Variants in KHDRBS2 observed in about 807,000 individuals in gnomAD.
KHDRBS2 encodes KH RNA binding domain containing, signal transduction associated 2.
KHDRBS2 carries 26 observed loss-of-function variants against 44.3 expected under a neutral mutation model. The ratio of observed to expected loss-of-function variants is 0.59; its 90% CI spans 0.43 to 0.81. The LOEUF (loss-of-function observed/expected upper bound fraction) is 0.81. Ranked by LOEUF, KHDRBS2 falls within the 40% of genes least tolerant of loss-of-function variation. KHDRBS2 has a pLI of 0.00. For missense variants in KHDRBS2, 476 were observed against 433.1 expected, an observed-to-expected ratio of 1.10 and a Z score of -0.88; for synonymous variants, 194 against 151.1, an observed-to-expected ratio of 1.28 and a Z score of -2.08.
intron 4 of KHDRBS2, among the ~76,000 whole-genome samples, chr6:61,968,931 T>G (rs1192448): frequency 0.19 from 28,186 of 151,930 alleles, 3,494 homozygotes; most frequent in Non-Finnish European, 0.25. Context: ...TTTAGAGGAT[T>G]GACAAAAATA....
At chr6:61,568,401 A>C in the KHDRBS2 span, among the ~76,000 whole-genome samples, 1 of 152,192 alleles carries the variant, frequency 6.6e-6, no homozygotes, top group Non-Finnish European at 1.5e-5. Context: ...GGGTGTGTTA[A>C]GACAGCAGAT....
rs544020372 is a variant in KHDRBS2, at chr6:62,283,411, C to T, written c.91+2447G>A. On this transcript the variant is annotated intron_variant, in intron 1 of 8. Coordinates refer to ENST00000281156, the MANE Select transcript of KHDRBS2 (RefSeq NM_152688.4). Reference sequence around the variant, plus strand: ...TCACCAATCAAAATGCAAAATAAATCATTGTGAAATCTCATTGGTTTATAC... The same window carrying T: ...TCACCAATCAAAATGCAAAATAAATTATTGTGAAATCTCATTGGTTTATAC... Among the ~76,000 whole-genome samples, 5 of 152,192 alleles carry T rather than the reference C, an allele frequency of 3.3e-5. No homozygotes were observed. The East Asian group carries it at 9.6e-4, about 29-fold the overall frequency.
At chr6:61,871,873 C>T (rs1562343139) in intron 6 of KHDRBS2, among the ~76,000 whole-genome samples, 1 of 141,730 alleles carries the variant, frequency 7.1e-6, no homozygotes, top group African/African-American at 2.6e-5. Context: ...TGTTCTCACT[C>T]ATAATTGGGA....
At chr6:61,875,323 A>G (rs935305464) in intron 6 of KHDRBS2, among the ~76,000 whole-genome samples, 6 of 152,074 alleles carry the variant, frequency 3.9e-5, no homozygotes, top group African/African-American at 1.4e-4. Context: ...CCAGGCTTAT[A>G]GAGTCAGGAT....
chr6:61,630,874 C>T, the KHDRBS2 span, among the ~76,000 whole-genome samples: 4 of 152,100 alleles, frequency 2.6e-5, no homozygotes, highest in Non-Finnish European at 4.4e-5. Flanking sequence ...TCTTATATCA[C>T]GATTCTGCAT....
At chr6:62,135,264 G>C (rs958996154) in intron 2 of KHDRBS2, among the ~76,000 whole-genome samples, 2 of 152,124 alleles carry the variant, frequency 1.3e-5, no homozygotes, top group Non-Finnish European at 2.9e-5. Flanking sequence ...ATCCCCTTTT[G>C]CTTGGCTCTC....
intron 6 of KHDRBS2, among the ~76,000 whole-genome samples, chr6:61,840,817 A>G (rs187548549): frequency 3.5e-4 from 53 of 152,220 alleles, no homozygotes; most frequent in Admixed American, 3.5e-3. Context: ...ATGGGAGTAG[A>G]AAAAAAGAGC....
At chr6:61,696,485 CTGATCTCG>C (rs1767922316) in intron 8 of KHDRBS2, among the ~76,000 whole-genome samples, 2 of 151,834 alleles carry the variant, frequency 1.3e-5, no homozygotes, top group African/African-American at 4.8e-5. Context: ...TCTCACTCTC[CTGATCTCG>C]TGATCCGCCC....
the KHDRBS2 span, among the ~76,000 whole-genome samples, chr6:61,636,700 C>A: frequency 1.3e-5 from 2 of 152,096 alleles, no homozygotes. Flanking sequence ...TAAGAAGTAT[C>A]TGATTCAAAA....
intron 1 of KHDRBS2, among the ~76,000 whole-genome samples, chr6:62,219,805 T>C (rs909716188): frequency 8.8e-5 from 13 of 148,036 alleles, no homozygotes; most frequent in Admixed American, 2.7e-4. Flanking sequence ...CTATATGATA[T>C]ATAGTTACTA....
At chr6:61,889,746 C>T (rs571951018) in intron 6 of KHDRBS2, among the ~76,000 whole-genome samples, 21 of 152,280 alleles carry the variant, frequency 1.4e-4, no homozygotes, top group Middle Eastern at 3.4e-3. Context: ...CTCCTCTGCA[C>T]GCTCCAACAG....
At chr6:61,870,567 G>A (rs1262294494) in intron 6 of KHDRBS2, among the ~76,000 whole-genome samples, 13 of 152,118 alleles carry the variant, frequency 8.5e-5, no homozygotes, top group Non-Finnish European at 1.5e-4. Context: ...TGACCCCCAT[G>A]TATCCTGACT....
the KHDRBS2 span, among the ~76,000 whole-genome samples, chr6:61,565,736 A>G: frequency 2.6e-5 from 4 of 152,168 alleles, no homozygotes; most frequent in Non-Finnish European, 5.9e-5. Flanking sequence ...ACTATTGTAT[A>G]AAATGTTTAT....
At chr6:61,752,671 C>CAAAAAAAAAAAAAAAAAAA (rs56410130) in intron 6 of KHDRBS2, among the ~76,000 whole-genome samples, 1 of 111,334 alleles carries the variant, frequency 9.0e-6, no homozygotes, top group Non-Finnish European at 1.8e-5. Context: ...TTGTGGTATA[C>CAAAAAAAAAAAAAAAAAAA]AAAAAAAAAA....
intron 3 of KHDRBS2, among the ~76,000 whole-genome samples, chr6:62,010,811 CT>C (rs1416306609): frequency 6.6e-6 from 1 of 152,038 alleles, no homozygotes; most frequent in East Asian, 1.9e-4. Flanking sequence ...ATGAAACCTG[CT>C]TTTTTAAACT....
At chr6:61,566,434 A>G in the KHDRBS2 span, among the ~76,000 whole-genome samples, 89,375 of 151,500 alleles carry the variant, frequency 0.59, 26,520 homozygotes, top group Non-Finnish European at 0.61. Context: ...TGTTTAAAGT[A>G]TTAGATATCC....
intron 4 of KHDRBS2, among the ~76,000 whole-genome samples, chr6:61,927,823 T>G (rs752779309): frequency 3.3e-5 from 5 of 152,156 alleles, no homozygotes; most frequent in Non-Finnish European, 5.9e-5. Flanking sequence ...GACAAATTTA[T>G]TTTAATTCTT....
the KHDRBS2 span, among the ~76,000 whole-genome samples, chr6:61,655,880 G>T: frequency 6.6e-6 from 1 of 152,052 alleles, no homozygotes; most frequent in Non-Finnish European, 1.5e-5. Flanking sequence ...TTTGTTTGAA[G>T]TTTTTGTACA....
At chr6:62,260,117 G>T (rs2150181109) in intron 1 of KHDRBS2, among the ~76,000 whole-genome samples, 1 of 152,022 alleles carries the variant, frequency 6.6e-6, no homozygotes, top group Non-Finnish European at 1.5e-5. Flanking sequence ...CATGGACCTT[G>T]GCTCTGTCAT....
Sources: gnomAD v4.1 joint callset for allele counts (sites outside exome capture counted in the v4.1 genomes callset) on GRCh38, gnomAD v4.1.1 for gene constraint, MANE v1.5 for transcripts, NCBI Gene and HGNC (gene_info 2026-07-23, HGNC 2026-07-21) for gene names.